ZNF638: variants seen among roughly 807,000 people sequenced by gnomAD.
ZNF638 encodes the protein CTCL tumor antigen se33-1.
A neutral mutation model predicts 195.6 loss-of-function variants in ZNF638; 46 were observed. That is an observed-to-expected ratio of 0.24 (90% CI 0.19 to 0.30). The LOEUF (loss-of-function observed/expected upper bound fraction) is 0.30, where lower values mean the gene tolerates loss of function less well. Among genes scored for constraint, ZNF638 ranks in the 10% least tolerant of loss-of-function variants. The pLI is 1.00. For missense variants in ZNF638, 2,440 were observed against 2,325.3 expected (o/e 1.05, Z -1.01); for synonymous variants, 845 against 772.0 (o/e 1.09, Z -1.57).
At chr2:71,430,111 A>G (rs138582692) in intron 25 of ZNF638, among the ~76,000 whole-genome samples, 14 of 152,322 alleles carry the variant, frequency 9.2e-5, no homozygotes, top group African/African-American at 2.9e-4. Context: ...CTACTAATGA[A>G]CAATATGTTT....
intron 1 of ZNF638, chr2:71,333,021 G>A (rs1163168037): frequency 6.6e-6 from 1 of 152,098 alleles, no homozygotes; most frequent in African/African-American, 2.4e-5. Flanking sequence ...TGTGCTTGCT[G>A]GTTCAGATTT....
chr2:71,351,670 T>C (rs574933687), intron 2 of ZNF638, among the ~76,000 whole-genome samples: 1 of 152,366 alleles, frequency 6.6e-6, no homozygotes, highest in Non-Finnish European at 1.5e-5. Context: ...ACATTTAATT[T>C]AGTATGTACT....
At chr2:71,343,516 AG>A (rs2078799315) in intron 1 of ZNF638, among the ~76,000 whole-genome samples, 1 of 152,204 alleles carries the variant, frequency 6.6e-6, no homozygotes, top group Admixed American at 6.5e-5. Flanking sequence ...AACAAAAATC[AG>A]TGTTTAGCAA....
chr2:71,367,791 A>C (rs550520706), intron 6 of ZNF638, among the ~76,000 whole-genome samples: 3 of 149,788 alleles, frequency 2.0e-5, no homozygotes, highest in African/African-American at 7.3e-5. Flanking sequence ...TCCTGGTCTT[A>C]AACTCCTGGC....
intron 17 of ZNF638, among the ~76,000 whole-genome samples, chr2:71,404,884 G>C (rs1047048855): frequency 3.9e-5 from 6 of 152,092 alleles, no homozygotes; most frequent in Admixed American, 3.3e-4. Flanking sequence ...ACTGTCAACT[G>C]CTAAGAAGCA....
chr2:71,396,676 G>A (rs1013115790), intron 11 of ZNF638, among the ~76,000 whole-genome samples: 4 of 152,184 alleles, frequency 2.6e-5, no homozygotes, highest in Non-Finnish European at 5.9e-5. Flanking sequence ...CAGGCATGGT[G>A]GCTCACGCCT....
chr2:71,368,563 A>C, intron 7 of ZNF638, 35 bp downstream of exon 7: 1 of 1,605,236 alleles, frequency 6.2e-7, no homozygotes, highest in Admixed American at 1.7e-5. Context: ...AATTCATACA[A>C]AGTGATTGCT....
intron 10 of ZNF638, chr2:71,395,294 G>GCTGCTGTGCACAT (rs2079870306): frequency 1.4e-6 from 1 of 717,126 alleles, no homozygotes; most frequent in Non-Finnish European, 2.6e-6. Context: ...TGACAAACCT[G>GCTGCTGTGCACAT]CTGCTGTGCA....
chr2:71,409,382 A>G (rs1304856434), intron 20 of ZNF638, among the ~76,000 whole-genome samples: 2 of 152,102 alleles, frequency 1.3e-5, no homozygotes, highest in African/African-American at 4.8e-5. Context: ...TGTGACCTTT[A>G]TTTCAATATC....
At chr2:71,367,066 T>C (rs1488341316) in intron 6 of ZNF638, among the ~76,000 whole-genome samples, 1 of 152,128 alleles carries the variant, frequency 6.6e-6, no homozygotes, top group African/African-American at 2.4e-5. Flanking sequence ...CCAAAGAACT[T>C]ACATTTAGAA....
At chr2:71,392,086 G>A (rs1031919027) in intron 10 of ZNF638, among the ~76,000 whole-genome samples, 14 of 152,164 alleles carry the variant, frequency 9.2e-5, no homozygotes, top group Non-Finnish European at 1.8e-4. Flanking sequence ...TCTGTGGCTG[G>A]GTTATGACCC....
At chr2:71,341,300 A>G (rs878937458) in intron 1 of ZNF638, among the ~76,000 whole-genome samples, 1 of 152,228 alleles carries the variant, frequency 6.6e-6, no homozygotes, top group Admixed American at 6.5e-5. Flanking sequence ...GACATAAATG[A>G]GAGTTATTAG....
intron 10 of ZNF638, chr2:71,388,307 G>A (rs1400867151): frequency 6.9e-6 from 3 of 432,760 alleles, no homozygotes; most frequent in Non-Finnish European, 1.3e-5. Flanking sequence ...GCCGACCTTT[G>A]ATCATCCGAC....
intron 1 of ZNF638, 130 bp downstream of exon 1, chr2:71,332,005 C>G: frequency 2.8e-5 from 19 of 686,942 alleles, no homozygotes; most frequent in Non-Finnish European, 2.9e-5. Context: ...CACAAAATGG[C>G]GGCGGGCAGA....
At chr2:71,418,531 A>G in intron 20 of ZNF638, 71 bp from the exon 21 acceptor site, 1 of 1,124,556 alleles carries the variant, frequency 8.9e-7, no homozygotes, top group Non-Finnish European at 1.2e-6. Context: ...TTTACTAAAA[A>G]CATTGCTTTT....
intron 10 of ZNF638, among the ~76,000 whole-genome samples, chr2:71,387,633 T>C (rs1210147789): frequency 6.7e-6 from 1 of 148,758 alleles, no homozygotes; most frequent in Non-Finnish European, 1.5e-5. Context: ...ATCATGCCAC[T>C]CAGCCTGGGC....
At chr2:71,354,444 A>G (rs77540668) in intron 2 of ZNF638, among the ~76,000 whole-genome samples, 8,659 of 152,108 alleles carry the variant, frequency 0.057, 976 homozygotes, top group East Asian at 0.56. Context: ...TGTATAAGAA[A>G]GCATTTTGGG....
chr2:71,393,900 C>G (rs2079839982), intron 10 of ZNF638, among the ~76,000 whole-genome samples: 1 of 152,176 alleles, frequency 6.6e-6, no homozygotes, highest in African/African-American at 2.4e-5. Context: ...CCATTATCTT[C>G]CCACTGTGTG....
chr2:71,395,642 C>T, intron 10 of ZNF638: 1 of 525,954 alleles, frequency 1.9e-6, no homozygotes, highest in Non-Finnish European at 3.6e-6. Context: ...GGCTCCAGGC[C>T]TTTGTCATTA....
Sources: gnomAD v4.1 joint callset for allele counts (sites outside exome capture counted in the v4.1 genomes callset) on GRCh38, gnomAD v4.1.1 for gene constraint, MANE v1.5 for transcripts, NCBI Gene and HGNC (gene_info 2026-07-23, HGNC 2026-07-21) for gene names.